KCNMA1: variants seen among roughly 807,000 people sequenced by gnomAD.
KCNMA1 encodes the protein Calcium-activated potassium channel subunit alpha-1.
In KCNMA1, 29 loss-of-function variants were observed where a neutral mutation model predicts 140.0. The observed-to-expected ratio is 0.21, with a 90% confidence interval of 0.15 to 0.28. KCNMA1 has a LOEUF of 0.28. Among genes scored for constraint, KCNMA1 ranks in the 10% least tolerant of loss-of-function variants. The pLI is 1.00. For synonymous variants in KCNMA1, 612 were observed against 611.9 expected, an observed-to-expected ratio of 1.00 and a Z score of 0.00; for missense variants, 880 against 1,602.2, an observed-to-expected ratio of 0.55 and a Z score of 7.70.
chr10:77,093,404 C>CTT (rs2153804279), intron 9 of KCNMA1, among the ~76,000 whole-genome samples: 1 of 152,296 alleles, frequency 6.6e-6, no homozygotes, highest in South Asian at 2.1e-4. Flanking sequence ...TGGCCTCCCC[C>CTT]TTTTGTGCCA....
At chr10:77,248,157 G>C (rs2058966144) in intron 3 of KCNMA1, among the ~76,000 whole-genome samples, 1 of 152,144 alleles carries the variant, frequency 6.6e-6, no homozygotes, top group Non-Finnish European at 1.5e-5. Context: ...GAGCTGTATT[G>C]CTAATGGACA....
chr10:77,504,056 G>T (rs1374950730), intron 1 of KCNMA1, among the ~76,000 whole-genome samples: 1 of 152,132 alleles, frequency 6.6e-6, no homozygotes, highest in Non-Finnish European at 1.5e-5. Context: ...TCCACATAGG[G>T]ATACAATTGG....
Position 76,886,812 on chromosome 10 carries a change from T to G in KCNMA1, c.*454A>C. The G allele has an allele frequency of 9.3e-7, 1 of 1,078,944 alleles. No homozygotes were observed. Among genetic ancestry groups the G allele is most frequent in the Non-Finnish European group, 1.1e-6 (1 of 886,376 alleles). The allele number at this position is 1,078,944 out of a possible 1,614,324, so 66.8% of individuals were successfully genotyped here. A position where few individuals can be genotyped will look rare whatever the true frequency, so the allele number is the denominator to read the frequency against. ...TTTCAAATAAACATGTGCTAACTTA[T>G]TGTGTGTATAAAAAAAGAAAGAAAG... On this transcript the variant is annotated 3_prime_UTR_variant, in exon 28 of 28. Coordinates refer to ENST00000286628, the MANE Select transcript of KCNMA1 (RefSeq NM_001161352.2).
At chr10:77,576,138 C>G (rs1039009735) in intron 1 of KCNMA1, among the ~76,000 whole-genome samples, 1 of 152,180 alleles carries the variant, frequency 6.6e-6, no homozygotes, top group Admixed American at 6.5e-5. Flanking sequence ...TTGGGTGGAA[C>G]CTGTGCTGCT....
At chr10:77,171,131 T>C (rs979748854) in intron 5 of KCNMA1, among the ~76,000 whole-genome samples, 51 of 152,088 alleles carry the variant, frequency 3.4e-4, no homozygotes, top group African/African-American at 1.2e-3. Context: ...GGCCCCCAGA[T>C]CAGCAGCAGC....
At chr10:76,897,514 G>T (rs11001923) in intron 25 of KCNMA1, among the ~76,000 whole-genome samples, 1 of 151,978 alleles carries the variant, frequency 6.6e-6, no homozygotes, top group African/African-American at 2.4e-5. Context: ...TAGTTAAATT[G>T]CCAATAATTT....
intron 5 of KCNMA1, among the ~76,000 whole-genome samples, chr10:77,165,066 G>A (rs944279556): frequency 2.6e-5 from 4 of 152,228 alleles, no homozygotes; most frequent in South Asian, 4.2e-4. Context: ...GAAAACTCAC[G>A]ATAAAAATAT....
At chr10:77,123,019 A>G (rs1304438608) in intron 5 of KCNMA1, among the ~76,000 whole-genome samples, 1 of 150,194 alleles carries the variant, frequency 6.7e-6, no homozygotes, top group Non-Finnish European at 1.5e-5. Flanking sequence ...TCTACTAAAA[A>G]ACACAAAAAA....
At chr10:77,535,930 C>A (rs1226877127) in intron 1 of KCNMA1, among the ~76,000 whole-genome samples, 2 of 152,224 alleles carry the variant, frequency 1.3e-5, no homozygotes, top group African/African-American at 4.8e-5. Flanking sequence ...TTGATAGGTG[C>A]AAACATACAG....
chr10:77,389,411 C>G (rs2095731971), intron 2 of KCNMA1, among the ~76,000 whole-genome samples: 1 of 152,166 alleles, frequency 6.6e-6, no homozygotes, highest in Admixed American at 6.5e-5. Flanking sequence ...GCTTCTACCT[C>G]TGGAGGAGGG....
At chr10:77,305,386 G>A (rs1327016131) in intron 2 of KCNMA1, among the ~76,000 whole-genome samples, 1 of 152,058 alleles carries the variant, frequency 6.6e-6, no homozygotes, top group African/African-American at 2.4e-5. Context: ...GAGGGCATGG[G>A]TCTCAACTTA....
At chr10:77,584,279 A>T (rs2076636269) in intron 1 of KCNMA1, among the ~76,000 whole-genome samples, 1 of 152,218 alleles carries the variant, frequency 6.6e-6, no homozygotes, top group Non-Finnish European at 1.5e-5. Context: ...ACAATCCAAC[A>T]TATACGTAAG....
At chr10:77,001,353 A>G (rs566965355) in intron 19 of KCNMA1, 54 bp downstream of exon 19, 2 of 1,485,166 alleles carry the variant, frequency 1.3e-6, no homozygotes, top group African/African-American at 2.8e-5. Flanking sequence ...CAAGACAGGG[A>G]TGATACCACA....
chr10:77,270,760 G>C (rs958208144), intron 2 of KCNMA1, among the ~76,000 whole-genome samples: 13 of 151,852 alleles, frequency 8.6e-5, no homozygotes, highest in African/African-American at 2.4e-4. Flanking sequence ...AAAGTGCTGG[G>C]ATTACAGGCG....
chr10:77,632,495 G>C (rs1009827208), intron 1 of KCNMA1, among the ~76,000 whole-genome samples: 1 of 152,052 alleles, frequency 6.6e-6, no homozygotes, highest in Non-Finnish European at 1.5e-5. Flanking sequence ...GTCGATGTTC[G>C]TCCACTGATA....
intron 25 of KCNMA1, among the ~76,000 whole-genome samples, chr10:76,898,320 TTATAAC>T (rs1249811793): frequency 6.6e-6 from 1 of 151,876 alleles, no homozygotes; most frequent in Non-Finnish European, 1.5e-5. Flanking sequence ...TGGACAAATA[TTATAAC>T]TGAAATATAG....
intron 3 of KCNMA1, among the ~76,000 whole-genome samples, chr10:77,186,777 ATGTGTGTG>A (rs10594438): frequency 0.19 from 27,092 of 145,070 alleles, 2,680 homozygotes; most frequent in African/African-American, 0.26. Context: ...TAAAGAGTAA[ATGTGTGTG>A]TGTGTGTGTG....
chr10:77,145,560 A>C (rs2098273932), intron 5 of KCNMA1, among the ~76,000 whole-genome samples: 1 of 152,180 alleles, frequency 6.6e-6, no homozygotes, highest in African/African-American at 2.4e-5. Context: ...ATCTTCATCT[A>C]CCAATACTGG....
At chr10:77,376,930 T>C (rs896425716) in intron 2 of KCNMA1, among the ~76,000 whole-genome samples, 1 of 151,974 alleles carries the variant, frequency 6.6e-6, no homozygotes, top group Admixed American at 6.6e-5. Flanking sequence ...AGAGCAAGAT[T>C]CCCTCTCAAA....
Sources: gnomAD v4.1 joint callset for allele counts (sites outside exome capture counted in the v4.1 genomes callset) on GRCh38, gnomAD v4.1.1 for gene constraint, MANE v1.5 for transcripts, NCBI Gene and HGNC (gene_info 2026-07-23, HGNC 2026-07-21) for gene names.